Variants in MYO7A observed in about 807,000 individuals in gnomAD.
The protein encoded by MYO7A is myosin VIIA.
In MYO7A, 210 loss-of-function variants were observed where a neutral mutation model predicts 263.8. The ratio of observed to expected loss-of-function variants is 0.80; its 90% CI spans 0.71 to 0.89. The LOEUF is 0.89. Among genes scored for constraint, MYO7A ranks in the 40% least tolerant of loss-of-function variants. The pLI, the probability that MYO7A is intolerant of heterozygous loss-of-function variation, is 0.00. For missense variants in MYO7A, 2,820 were observed against 2,968.3 expected, an observed-to-expected ratio of 0.95 and a Z score of 1.16; for synonymous variants, 1,239 against 1,197.3, an observed-to-expected ratio of 1.03 and a Z score of -0.72.
chr11:77,166,247 C>A, intron 15 of MYO7A, 85 bp downstream of exon 15: 1 of 1,183,840 alleles, frequency 8.4e-7, no homozygotes, highest in Non-Finnish European at 1.2e-6. Flanking sequence ...CCAACAGCTT[C>A]AGCTGAGCCC....
intron 2 of MYO7A, among the ~76,000 whole-genome samples, chr11:77,136,364 C>T (rs780365286): frequency 7.9e-5 from 12 of 152,216 alleles, no homozygotes; most frequent in Non-Finnish European, 1.8e-4. Flanking sequence ...ATTCCTCCAG[C>T]TCAAGGGTGG....
rs1224982191 is a variant in MYO7A, at chr11:77,208,422, G to GTCCCC, written c.5857-8_5857-7insTCCCC. On this transcript the variant is annotated splice_region_variant and splice_polypyrimidine_tract_variant and intron_variant, in intron 42 of 48. Coordinates refer to ENST00000409709, the MANE Select transcript of MYO7A (RefSeq NM_000260.4). ...AAACTGAGTGTGCTTCGATGGCCCT[G>GTCCCC]ACCCCAGGTCCTCAGCGTTCCTGAG... The GTCCCC allele has an allele frequency of 3.7e-6, 6 of 1,604,674 alleles. No homozygotes were observed. The highest frequency in any genetic ancestry group is 1.7e-6 in the Non-Finnish European group (2 of 1,172,216).
chr11:77,201,434 C>G lies in MYO7A; in HGVS notation c.4853-14C>G, dbSNP rs371010959. The G allele has an allele frequency of 6.2e-7, 1 of 1,611,026 alleles. No individual in the cohort carries two copies. Among genetic ancestry groups the G allele is most frequent in the Admixed American group, 1.7e-5 (1 of 59,514 alleles). On this transcript the variant is annotated splice_polypyrimidine_tract_variant and intron_variant, in intron 35 of 48. Transcript: ENST00000409709. ...GTCTCTGCCCCCATGGTCCCACTCA[C>G]CTCTGCTCTACAGCAGGCGAGGAGT...
chr11:77,199,444 A>G, intron 34 of MYO7A, 91 bp from the exon 35 acceptor site: 1 of 1,351,948 alleles, frequency 7.4e-7, no homozygotes, highest in Non-Finnish European at 9.7e-7. Flanking sequence ...TGGCCAGGCC[A>G]GCTCTGACTT....
intron 47 of MYO7A, among the ~76,000 whole-genome samples, chr11:77,213,288 G>A (rs1393619009): frequency 6.6e-6 from 1 of 152,246 alleles, no homozygotes; most frequent in African/African-American, 2.4e-5. Flanking sequence ...TGGCCTTTCA[G>A]TATCACTGGA....
rs1003695470 is a variant in MYO7A at position 77,213,899 on chromosome 11, T to C, written c.6478T>C (p.Trp2160Arg). The C allele has an allele frequency of 6.2e-7, 1 of 1,613,926 alleles. No individual in the cohort carries two copies. The highest frequency in any genetic ancestry group is 8.5e-7 in the Non-Finnish European group (1 of 1,179,912). The change falls in exon 48 of 49, where the codon TGG becomes CGG. Residue 2160 changes from tryptophan (W) to arginine (R), a missense_variant. Transcript: ENST00000409709. ...TCATCCCTTCACCAAGATCTCCAAC[T>C]GGAGCAGCGGCAACACCTACTTCCA... ...TTHPFTKISN[W>R]SSGNTYFHIT...
intron 39 of MYO7A, 110 bp from the exon 40 acceptor site, chr11:77,205,352 C>CTGCTG (rs1957373102): frequency 7.7e-7 from 1 of 1,306,758 alleles, no homozygotes; most frequent in African/African-American, 1.5e-5. Flanking sequence ...AGGGACGGTG[C>CTGCTG]TGCTGTGATG....
At chr11:77,195,185 C>G (rs527593485) in intron 32 of MYO7A, among the ~76,000 whole-genome samples, 1 of 152,134 alleles carries the variant, frequency 6.6e-6, no homozygotes, top group Non-Finnish European at 1.5e-5. Context: ...CCGTCCTCAC[C>G]CGGGAGCCCT....
chr11:77,181,552 TGCCAGGCCAGG>T lies in MYO7A; in HGVS notation c.2868_2878del (p.Pro957GlyfsTer5). On this transcript the variant is annotated frameshift_variant, in exon 23 of 49. Transcript: ENST00000409709. LOFTEE classifies it high-confidence loss of function. Reference sequence around the variant, plus strand: ...GGCTTCCTGGGGACTTCAGGTGGCCTGCCAGGCCAGGAGGGCCAGGCACCTAGTGGCTTTGA... The same window carrying T: ...GGCTTCCTGGGGACTTCAGGTGGCCTAGGGCCAGGCACCTAGTGGCTTTGA... The T allele has an allele frequency of 6.2e-7, 1 of 1,613,434 alleles. No homozygotes were observed. The highest frequency in any genetic ancestry group is 1.1e-5 in the South Asian group (1 of 91,072).
At chr11:77,178,598 CTG>C (rs1202684151) in intron 19 of MYO7A, among the ~76,000 whole-genome samples, 19 of 152,312 alleles carry the variant, frequency 1.2e-4, no homozygotes, top group African/African-American at 4.6e-4. Flanking sequence ...CTGAAGATGA[CTG>C]TTCTCCTATA....
rs750753617 is a variant in MYO7A, at chr11:77,205,645, GAC to G, written c.5636+31_5636+32del. The G allele has an allele frequency of 2.5e-6, 4 of 1,611,978 alleles. No individual in the cohort carries two copies. In the South Asian group the frequency reaches 4.4e-5, roughly 18 times the overall value. On this transcript the variant is annotated intron_variant, in intron 40 of 48. Transcript: ENST00000409709. ...ACAGCGGCCACCAGGGGCAGGGACA[GAC>G]ACTGGGGCGGGCTCCTGGCCACGCG...
chr11:77,153,412 C>A (rs568525386), intron 4 of MYO7A, among the ~76,000 whole-genome samples: 1 of 152,208 alleles, frequency 6.6e-6, no homozygotes, highest in African/African-American at 2.4e-5. Context: ...TCAGGAGGCT[C>A]AGGGCTGAAG....
chr11:77,167,061 C>T (rs544369145), intron 15 of MYO7A, among the ~76,000 whole-genome samples: 7 of 152,334 alleles, frequency 4.6e-5, no homozygotes, highest in South Asian at 4.1e-4. Context: ...GGCTTGGTCC[C>T]GAGCTCCCAC....
At position 77,172,772 on chromosome 11, in the gene MYO7A, C is replaced by T. The variant is rs782369998; in HGVS notation, c.1822C>T (p.Pro608Ser). 2.6e-6 allele frequency: 4 copies of T among 1,559,474 alleles called. No individual in the cohort carries two copies. The highest frequency in any genetic ancestry group is 4.8e-5 in the East Asian group (2 of 41,364). Residue 608 changes from proline to serine, a missense_variant, in exon 16 of 49, where the codon CCC (proline) becomes TCC (serine). By Grantham distance (74) the Pro-to-Ser change is moderately conservative. Coordinates refer to ENST00000409709, the MANE Select transcript of MYO7A (RefSeq NM_000260.4). ...AMGAETRKRS[P>S]TLSSQFKRSL... is the part of the protein sequence containing the mutation. Reference sequence around the variant, plus strand: ...GGGCGCCGAGACCAGGAAGCGCTCGCCCACACTTAGCAGCCAGTTCAAGCG... The same window carrying T: ...GGGCGCCGAGACCAGGAAGCGCTCGTCCACACTTAGCAGCCAGTTCAAGCG...
At chr11:77,181,693 A>G in intron 23 of MYO7A, 104 bp downstream of exon 23, 1 of 1,131,300 alleles carries the variant, frequency 8.8e-7, no homozygotes. Flanking sequence ...GTCCCTCTGA[A>G]CAGTGGGGAG....
chr11:77,128,296 GACAC>G lies in MYO7A; in HGVS notation c.-234_-231del, dbSNP rs1950669874. On this transcript the variant is annotated 5_prime_UTR_variant, in exon 1 of 49. Coordinates refer to ENST00000409709, the MANE Select transcript of MYO7A (RefSeq NM_000260.4). ...GCAGGAGAGAGAGGGAGAGACAAGA[GACAC>G]ACACAGAGAGACGGCGAGGAAGGGA... 6.5e-6 allele frequency: 1 copy of G among 152,736 alleles called. No individual in the cohort carries two copies. The highest frequency in any genetic ancestry group is 2.4e-5 in the African/African-American group (1 of 41,488). 9.5% of individuals were successfully genotyped at this position (152,736 alleles called of 1,614,324 possible).
At position 77,158,308 on chromosome 11, in the gene MYO7A, A is replaced by G. The variant is rs782496780; in HGVS notation, c.881A>G (p.Asp294Gly). The G allele has an allele frequency of 3.7e-6, 6 of 1,610,520 alleles. No individual in the cohort carries two copies. In the South Asian group the frequency reaches 6.6e-5, roughly 18 times the overall value. ...TGCATAACCTGTGAGGGCCGGGTGG[A>G]CAGCCAGGAGTACGCCAACATCCGC... ...GNCITCEGRV[D>G]SQEYANIRSA... The change falls in exon 9 of 49, where the codon GAC becomes GGC. Residue 294 changes from aspartate to glycine, a missense_variant. Transcript: ENST00000409709.
chr11:77,173,583 G>A (rs560206105), intron 16 of MYO7A, among the ~76,000 whole-genome samples: 10 of 152,162 alleles, frequency 6.6e-5, no homozygotes, highest in Non-Finnish European at 1.5e-4. Context: ...CTCGCTGCGA[G>A]CCCTCTCCTT....
chr11:77,187,151 G>A (rs1281483798), intron 27 of MYO7A, among the ~76,000 whole-genome samples: 9 of 152,200 alleles, frequency 5.9e-5, no homozygotes, highest in Admixed American at 6.5e-5. Flanking sequence ...CAATAGTAAC[G>A]TTAAAGATTA....
Sources: allele counts gnomAD v4.1 joint callset (sites outside exome capture counted in the v4.1 genomes callset), GRCh38; gene constraint gnomAD v4.1.1; transcripts MANE v1.5; gene names NCBI Gene and HGNC (gene_info 2026-07-23, HGNC 2026-07-21).